Variants in FMN1 observed in about 807,000 individuals in gnomAD.
FMN1 encodes the protein formin-1.
Under a neutral mutation model 132.4 loss-of-function variants are expected in FMN1, and 110 were observed. That is an observed-to-expected ratio of 0.83 (90% confidence interval 0.71 to 0.97). FMN1 has a LOEUF of 0.97. Among genes scored for constraint, FMN1 ranks in the 50% least tolerant of loss-of-function variants. FMN1 has a pLI of 0.00. For missense variants in FMN1, 1,792 were observed against 1,705.3 expected, an observed-to-expected ratio of 1.05 and a Z score of -0.90; for synonymous variants, 722 against 651.7, an observed-to-expected ratio of 1.11 and a Z score of -1.64.
intron 2 of FMN1, among the ~76,000 whole-genome samples, chr15:33,188,340 A>G (rs77997167): frequency 6.6e-6 from 1 of 151,498 alleles, no homozygotes; most frequent in Non-Finnish European, 1.5e-5. Context: ...ACTTTGTCTC[A>G]AAAAAAAAGT....
intron 4 of FMN1, among the ~76,000 whole-genome samples, chr15:33,142,930 G>T (rs971287097): frequency 3.7e-4 from 56 of 152,176 alleles, no homozygotes; most frequent in Admixed American, 6.5e-4. Context: ...GTTAATCTGT[G>T]ACCAGTGAAG....
chr15:33,176,041 A>C (rs1161124722), intron 3 of FMN1, among the ~76,000 whole-genome samples: 1 of 152,190 alleles, frequency 6.6e-6, no homozygotes, highest in East Asian at 1.9e-4. Context: ...AGTCGGTTAG[A>C]GGGCCCCAAA....
intron 17 of FMN1, chr15:32,837,174 G>A (rs377542074): frequency 6.9e-5 from 16 of 230,816 alleles, no homozygotes; most frequent in South Asian, 5.6e-4. Context: ...CCAGTACAAG[G>A]AACATTGCTT....
At chr15:32,805,014 G>A (rs1385751027) in intron 17 of FMN1, among the ~76,000 whole-genome samples, 1 of 152,068 alleles carries the variant, frequency 6.6e-6, no homozygotes, top group Non-Finnish European at 1.5e-5. Flanking sequence ...ATAATCCTTT[G>A]GGTATATATC....
rs960048296 is a variant in FMN1 at position 33,100,742 on chromosome 15, A to C, written c.1868-11768T>G. ...GAATTTAAGTAAATGGAAGCTAATC[A>C]TAAAGAATCATCATCGTTGTTATTT... On this transcript the variant is annotated intron_variant, in intron 4 of 20. Coordinates refer to ENST00000616417, the MANE Select transcript of FMN1 (RefSeq NM_001277313.2). Among the ~76,000 whole-genome samples, 4 of 152,366 alleles carry C rather than the reference A, an allele frequency of 2.6e-5. No individual in the cohort carries two copies. The East Asian group carries it at 7.7e-4, about 29-fold the overall frequency.
chr15:33,029,141 C>A (rs1337034285), intron 6 of FMN1, among the ~76,000 whole-genome samples: 1 of 152,124 alleles, frequency 6.6e-6, no homozygotes, highest in South Asian at 2.1e-4. Context: ...GACTAACCCC[C>A]TTCCTCAAAA....
chr15:32,904,573 A>G (rs1185120992), intron 12 of FMN1, among the ~76,000 whole-genome samples: 1 of 152,146 alleles, frequency 6.6e-6, no homozygotes, highest in African/African-American at 2.4e-5. Flanking sequence ...GAGAGGGGCA[A>G]ATGGATGAGG....
intron 3 of FMN1, among the ~76,000 whole-genome samples, chr15:33,170,690 G>C (rs1965287054): frequency 6.6e-6 from 1 of 151,952 alleles, no homozygotes; most frequent in African/African-American, 2.4e-5. Flanking sequence ...ACCACAATGA[G>C]ATATCATTTT....
intron 6 of FMN1, among the ~76,000 whole-genome samples, chr15:33,061,588 AAATTTT>A (rs1370293801): frequency 6.6e-6 from 1 of 152,140 alleles, no homozygotes; most frequent in Non-Finnish European, 1.5e-5. Flanking sequence ...ATTCCAATAA[AAATTTT>A]AAGTTTTTCT....
intron 9 of FMN1, among the ~76,000 whole-genome samples, chr15:32,945,362 T>C (rs2061487137): frequency 6.6e-6 from 1 of 152,160 alleles, no homozygotes; most frequent in Non-Finnish European, 1.5e-5. Flanking sequence ...AACTTTCTCA[T>C]AGAAAGCCAA....
intron 6 of FMN1, among the ~76,000 whole-genome samples, chr15:33,041,468 G>T (rs375984154): frequency 7.3e-5 from 2 of 27,568 alleles, no homozygotes; most frequent in South Asian, 6.5e-4. Flanking sequence ...TTCCTCACCA[G>T]TAAACAAAAA....
Position 33,142,006 on chromosome 15 carries a change from G to T in FMN1, c.1867+11042C>A, listed in dbSNP as rs115677387. ...TTTGACATTGTGATACATGGGCTACGCTGTTTAGTATAACTCTTTTCCCCA... is the reference window on the plus strand; with the variant it reads ...TTTGACATTGTGATACATGGGCTACTCTGTTTAGTATAACTCTTTTCCCCA... On this transcript the variant is annotated intron_variant, in intron 4 of 20. Transcript: ENST00000616417. Among the ~76,000 whole-genome samples, 1,273 of 152,214 alleles carry T rather than the reference G, an allele frequency of 8.4e-3. 17 individuals carry two copies. The highest frequency in any genetic ancestry group is 0.03 in the African/African-American group (1,227 of 41,522).
intron 6 of FMN1, among the ~76,000 whole-genome samples, chr15:33,018,039 T>A (rs1308387373): frequency 6.7e-6 from 1 of 149,438 alleles, no homozygotes; most frequent in Non-Finnish European, 1.5e-5. Flanking sequence ...CACTCCAGCC[T>A]GGGCAACAGA....
chr15:32,790,436 C>A (rs578163899), intron 19 of FMN1, among the ~76,000 whole-genome samples: 1 of 152,188 alleles, frequency 6.6e-6, no homozygotes, highest in Non-Finnish European at 1.5e-5. Context: ...GAAGCCAAGG[C>A]ATTTATTAAG....
intron 16 of FMN1, among the ~76,000 whole-genome samples, chr15:32,882,315 A>G (rs986373900): frequency 6.6e-6 from 1 of 152,236 alleles, no homozygotes; most frequent in African/African-American, 2.4e-5. Flanking sequence ...CAGTAGTAGC[A>G]AAGTAACTTC....
intron 9 of FMN1, among the ~76,000 whole-genome samples, chr15:32,928,244 ATTC>A (rs1480992022): frequency 6.6e-6 from 1 of 152,170 alleles, no homozygotes; most frequent in Non-Finnish European, 1.5e-5. Flanking sequence ...CCTTAGAAAG[ATTC>A]TTGAGGCATA....
chr15:33,064,333 G>C (rs949019555), intron 6 of FMN1: 2 of 152,020 alleles, frequency 1.3e-5, no homozygotes, highest in Non-Finnish European at 2.9e-5. Context: ...CTAATGCTTT[G>C]GTGTCATTTT....
chr15:33,161,689 C>T lies in FMN1; in HGVS notation c.-131-6644G>A, dbSNP rs185162561. Among the ~76,000 whole-genome samples the T allele has an allele frequency of 6.4e-3, 973 of 152,164 alleles. 3 individuals are homozygous for T. Among genetic ancestry groups the T allele is most frequent in the African/African-American group, 0.022 (908 of 41,518 alleles). On this transcript the variant is annotated intron_variant, in intron 3 of 20. Transcript: ENST00000616417. ...ATCCCAGCACTTTGGGAGGCTGAGG[C>T]GGGCGGATCACAAGGTCAGGAGATC...
chr15:33,089,759 A>G (rs1027931823), intron 4 of FMN1, among the ~76,000 whole-genome samples: 1 of 152,246 alleles, frequency 6.6e-6, no homozygotes, highest in African/African-American at 2.4e-5. Context: ...CAGGCAGTTA[A>G]ACAATAGAGG....
Sources: allele counts gnomAD v4.1 joint callset (sites outside exome capture counted in the v4.1 genomes callset), GRCh38; gene constraint gnomAD v4.1.1; transcripts MANE v1.5; gene names NCBI Gene and HGNC (gene_info 2026-07-23, HGNC 2026-07-21).